RBFOX3: variants seen among roughly 807,000 people sequenced by gnomAD.
RBFOX3 encodes RNA binding fox-1 homolog 3.
A neutral mutation model predicts 48.7 loss-of-function variants in RBFOX3; 17 were observed. The ratio of observed to expected loss-of-function variants is 0.35; its 90% CI spans 0.24 to 0.52. The LOEUF (loss-of-function observed/expected upper bound fraction) is 0.52, where lower values mean the gene tolerates loss of function less well. Among genes scored for constraint, RBFOX3 ranks in the 20% least tolerant of loss-of-function variants. The probability of loss-of-function intolerance (pLI) is 0.94; values close to 1 mark genes in which losing one functional copy is unlikely to be tolerated. For missense variants in RBFOX3, 382 were observed against 497.5 expected, an observed-to-expected ratio of 0.77 and a Z score of 2.21; for synonymous variants, 212 against 209.5, an observed-to-expected ratio of 1.01 and a Z score of -0.10.
chr17:79,119,623 CTG>C (rs1214816023), intron 4 of RBFOX3, among the ~76,000 whole-genome samples: 2 of 152,184 alleles, frequency 1.3e-5, no homozygotes, highest in Non-Finnish European at 2.9e-5. Context: ...GTCCTGGTGA[CTG>C]TCTGTCCTCT....
At chr17:79,297,743 C>T (rs907130087) in intron 3 of RBFOX3, among the ~76,000 whole-genome samples, 1 of 152,198 alleles carries the variant, frequency 6.6e-6, no homozygotes, top group African/African-American at 2.4e-5. Context: ...GGGTGGCCCT[C>T]AGGAAGTTAT....
At chr17:79,161,333 G>A (rs772154059) in intron 4 of RBFOX3, among the ~76,000 whole-genome samples, 11 of 152,150 alleles carry the variant, frequency 7.2e-5, no homozygotes, top group Non-Finnish European at 1.2e-4. Context: ...CATGAAGCCC[G>A]TCCTCTGCTG....
At chr17:79,560,173 C>T (rs1231138719) in intron 1 of RBFOX3, among the ~76,000 whole-genome samples, 5 of 152,176 alleles carry the variant, frequency 3.3e-5, no homozygotes, top group East Asian at 3.9e-4. Context: ...AATCTCCATC[C>T]CAGCCCCAAA....
At chr17:79,617,707 C>G in the RBFOX3 span, among the ~76,000 whole-genome samples, 1 of 152,238 alleles carries the variant, frequency 6.6e-6, no homozygotes, top group Non-Finnish European at 1.5e-5. Context: ...GAGCTCATCC[C>G]TCCAGTGGTC....
At chr17:79,637,730 A>AGGGAG in the RBFOX3 span, among the ~76,000 whole-genome samples, 76 of 109,178 alleles carry the variant, frequency 7.0e-4, no homozygotes, top group African/African-American at 2.8e-3. Context: ...GGCGAAGGGA[A>AGGGAG]GGGAGGGGAG....
the RBFOX3 span, among the ~76,000 whole-genome samples, chr17:79,648,162 T>C: frequency 6.6e-6 from 1 of 152,104 alleles, no homozygotes; most frequent in East Asian, 1.9e-4. Context: ...GCATCAGGCA[T>C]GGTCAGACAG....
chr17:79,530,434 C>T (rs994159313), intron 1 of RBFOX3, among the ~76,000 whole-genome samples: 88 of 152,318 alleles, frequency 5.8e-4, no homozygotes, highest in African/African-American at 2.1e-3. Context: ...AGGCCCAGAG[C>T]CGTGCCTCCT....
chr17:79,589,111 G>A (rs1489139498), intron 1 of RBFOX3, among the ~76,000 whole-genome samples: 2 of 152,262 alleles, frequency 1.3e-5, no homozygotes, highest in Non-Finnish European at 2.9e-5. Context: ...GCTCAAGGGT[G>A]GGGAACTTAA....
chr17:79,625,093 A>G, the RBFOX3 span, among the ~76,000 whole-genome samples: 1 of 152,034 alleles, frequency 6.6e-6, no homozygotes, highest in African/African-American at 2.4e-5. Context: ...CACCACCATC[A>G]GGATAGGGAA....
intron 2 of RBFOX3, among the ~76,000 whole-genome samples, chr17:79,447,971 T>C (rs2072680487): frequency 6.6e-6 from 1 of 152,096 alleles, no homozygotes; most frequent in Non-Finnish European, 1.5e-5. Context: ...CGTTTGAAAG[T>C]GTGTAGCACC....
At chr17:79,342,982 G>GCA (rs1491577093) in intron 2 of RBFOX3, among the ~76,000 whole-genome samples, 16 of 105,518 alleles carry the variant, frequency 1.5e-4, no homozygotes, top group African/African-American at 4.9e-4. Context: ...GAAAGAGCGA[G>GCA]AGAGAGAGAG....
chr17:79,122,312 G>A (rs544473600), intron 4 of RBFOX3, among the ~76,000 whole-genome samples: 16 of 152,098 alleles, frequency 1.1e-4, no homozygotes, highest in African/African-American at 1.4e-4. Context: ...GTCCTGAGAC[G>A]GCCCCTCCCC....
At chr17:79,303,451 C>T (rs950395687) in intron 3 of RBFOX3, among the ~76,000 whole-genome samples, 1 of 152,066 alleles carries the variant, frequency 6.6e-6, no homozygotes, top group Non-Finnish European at 1.5e-5. Context: ...TGTGCCCCCT[C>T]AGGTGCGGAG....
chr17:79,144,299 C>T (rs1048984945), intron 4 of RBFOX3, among the ~76,000 whole-genome samples: 1 of 152,266 alleles, frequency 6.6e-6, no homozygotes, highest in Admixed American at 6.5e-5. Flanking sequence ...CGCCCCATGG[C>T]TGCCTTGTTT....
At chr17:79,359,087 T>C (rs1005090636) in intron 2 of RBFOX3, among the ~76,000 whole-genome samples, 12 of 152,190 alleles carry the variant, frequency 7.9e-5, no homozygotes, top group African/African-American at 2.9e-4. Flanking sequence ...ACACATCCTG[T>C]AATCCTCTCT....
intron 2 of RBFOX3, among the ~76,000 whole-genome samples, chr17:79,467,836 C>G (rs2076517159): frequency 6.6e-6 from 1 of 152,050 alleles, no homozygotes; most frequent in African/African-American, 2.4e-5. Flanking sequence ...GGACCTTGAG[C>G]AAGGCCTCCG....
At chr17:79,271,768 A>AGCC (rs2067751962) in intron 3 of RBFOX3, among the ~76,000 whole-genome samples, 1 of 152,204 alleles carries the variant, frequency 6.6e-6, no homozygotes, top group Admixed American at 6.5e-5. Context: ...AAGGGTACAG[A>AGCC]GCCACTGTAG....
At chr17:79,096,623 C>T in intron 12 of RBFOX3, 30 bp downstream of exon 12, 1 of 1,477,094 alleles carries the variant, frequency 6.8e-7, no homozygotes, top group Non-Finnish European at 9.3e-7. Context: ...CGCCTGATCC[C>T]ACCCTCCCTC....
In RBFOX3 at chr17:79,291,267, T is replaced by C. The variant is rs537773335; in HGVS notation, c.-74+16457A>G. On this transcript the variant is annotated intron_variant, in intron 3 of 14. Transcript: ENST00000693108. ...TGGAGCATTCTTTGTGAGGTTATTT[T>C]CTCTCTCAGATGTGCCCTGGGTGTG... 2.6e-5 allele frequency among the ~76,000 whole-genome samples: 4 copies of C among 152,354 alleles called. No individual in the cohort carries two copies. The South Asian group carries it at 8.3e-4, about 32-fold the overall frequency.
Sources: gnomAD v4.1 joint callset for allele counts (sites outside exome capture counted in the v4.1 genomes callset) on GRCh38, gnomAD v4.1.1 for gene constraint, MANE v1.5 for transcripts, NCBI Gene and HGNC (gene_info 2026-07-23, HGNC 2026-07-21) for gene names.